MRPL35: variants seen among roughly 807,000 people sequenced by gnomAD.
MRPL35 encodes the protein mitochondrial ribosomal protein L35, also known as large ribosomal subunit protein bL35m.
Under a neutral mutation model 21.6 loss-of-function variants are expected in MRPL35, and 18 were observed. The observed-to-expected ratio is 0.83, with a 90% CI of 0.58 to 1.24. The LOEUF (loss-of-function observed/expected upper bound fraction) is 1.24, where lower values mean the gene tolerates loss of function less well. Among genes scored for constraint, MRPL35 ranks in the 50% most tolerant of loss-of-function variants. MRPL35 has a pLI of 0.00. For missense variants in MRPL35, 223 were observed against 223.2 expected (o/e 1.00, Z 0.01); for synonymous variants, 87 against 86.9 (o/e 1.00, Z -0.01).
rs1474527035 is a variant in MRPL35, at chr2:86,206,151, A to G, written c.89A>G (p.Asn30Ser). The G allele has an allele frequency of 3.1e-6, 5 of 1,613,858 alleles. No individual in the cohort carries two copies. The highest frequency in any genetic ancestry group is 1.3e-5 in the African/African-American group (1 of 74,900). Residue 30 changes from asparagine to serine, a missense_variant, in exon 2 of 4, where the codon AAC (asparagine) becomes AGC (serine). By Grantham distance (46) the Asn-to-Ser change is conservative. Coordinates refer to ENST00000337109, the MANE Select transcript of MRPL35 (RefSeq NM_016622.4). The part of the protein sequence containing the change: ...LNILASSTYR[N>S]CVKNASLISA... Reference sequence around the variant, plus strand: ...ATTTTGGCATCTTCAACCTACCGCAACTGTGTCAAGAATGCCTCTCTTATT... The same window carrying G: ...ATTTTGGCATCTTCAACCTACCGCAGCTGTGTCAAGAATGCCTCTCTTATT...
In MRPL35 at chr2:86,199,550, A is replaced by AG; in HGVS notation, c.43+17_43+18insG. ...CAGCTTCAGGTCAGTGGAGAGCGAC[A>AG]TACTCCATGCATGCCTTCACAGAAG... On this transcript the variant is annotated intron_variant, in intron 1 of 3. Coordinates refer to ENST00000337109, the MANE Select transcript of MRPL35 (RefSeq NM_016622.4). 1 of 1,614,100 alleles carries AG rather than the reference A, an allele frequency of 6.2e-7. No homozygotes were observed. The highest frequency in any genetic ancestry group is 8.5e-7 in the Non-Finnish European group (1 of 1,180,010).
At chr2:86,199,770 C>T (rs968717223) in intron 1 of MRPL35, among the ~76,000 whole-genome samples, 16 of 152,110 alleles carry the variant, frequency 1.1e-4, no homozygotes, top group African/African-American at 3.9e-4. Flanking sequence ...GCTTTTTTTC[C>T]CTAGAAAAGA....
Position 86,212,491 on chromosome 2 carries a change from T to C in MRPL35, c.*1823T>C, listed in dbSNP as rs931042842. 5.0e-5 allele frequency: 81 copies of C among 1,612,828 alleles called. No individual in the cohort carries two copies. The Middle Eastern group carries it at 1.2e-3, about 23-fold the overall frequency. On this transcript the variant is annotated 3_prime_UTR_variant, in exon 4 of 4. Transcript: ENST00000337109. The stretch of plus-strand genomic sequence containing the variant: ...CACCTGCCTGGCTCCTGCTCTCTGA[T>C]GTACCTCTGGGTAGTGAGATGGAAA...
intron 2 of MRPL35, 68 bp downstream of exon 2, chr2:86,206,363 C>CAAAAAA: frequency 1.4e-6 from 2 of 1,441,928 alleles, no homozygotes; most frequent in Non-Finnish European, 1.9e-6. Context: ...GACGGAGTCT[C>CAAAAAA]ACTCTGTTGC....
chr2:86,205,586 C>T (rs181492138), intron 1 of MRPL35, among the ~76,000 whole-genome samples: 9 of 152,338 alleles, frequency 5.9e-5, no homozygotes, highest in African/African-American at 1.9e-4. Context: ...GTCCCCATGC[C>T]TTTGCTTATG....
intron 3 of MRPL35, 47 bp from the exon 4 acceptor site, chr2:86,210,433 T>C: frequency 6.7e-7 from 1 of 1,486,720 alleles, no homozygotes; most frequent in Non-Finnish European, 9.1e-7. Flanking sequence ...ATACCTGTTG[T>C]TTCATACATA....
At chr2:86,208,956 T>G (rs1673853231) in intron 3 of MRPL35, among the ~76,000 whole-genome samples, 1 of 152,232 alleles carries the variant, frequency 6.6e-6, no homozygotes, top group African/African-American at 2.4e-5. Context: ...CTCCTTCCAT[T>G]TTTGAATCTA....
In MRPL35 at chr2:86,212,477, C is replaced by T; in HGVS notation, c.*1809C>T. 1.9e-6 allele frequency: 3 copies of T among 1,613,364 alleles called. No individual in the cohort carries two copies. The highest frequency in any genetic ancestry group is 1.1e-5 in the South Asian group (1 of 90,914). On this transcript the variant is annotated 3_prime_UTR_variant, in exon 4 of 4. Coordinates refer to ENST00000337109, the MANE Select transcript of MRPL35 (RefSeq NM_016622.4). ...TTCCACATCTTTGTCACCTGCCTGGCTCCTGCTCTCTGATGTACCTCTGGG... is the reference window on the plus strand; with the variant it reads ...TTCCACATCTTTGTCACCTGCCTGGTTCCTGCTCTCTGATGTACCTCTGGG...
In MRPL35 at chr2:86,211,765, T is replaced by C; in HGVS notation, c.*1097T>C. ...TCATTGAAGCCTCGCACTCCTGGGCTCAAGTGGTCCTCCTGCCTCAGCTTA... is the reference window on the plus strand; with the variant it reads ...TCATTGAAGCCTCGCACTCCTGGGCCCAAGTGGTCCTCCTGCCTCAGCTTA... On this transcript the variant is annotated 3_prime_UTR_variant, in exon 4 of 4. Transcript: ENST00000337109. 1 of 984,054 alleles carries C rather than the reference T, an allele frequency of 1.0e-6. No individual in the cohort carries two copies. Among genetic ancestry groups the C allele is most frequent in the Non-Finnish European group, 1.2e-6 (1 of 828,664 alleles). The allele number at this position is 984,054 out of a possible 1,614,324, so 61.0% of individuals were successfully genotyped here. A position where few individuals can be genotyped will look rare whatever the true frequency, so the allele number is the denominator to read the frequency against.
At position 86,212,473 on chromosome 2, in the gene MRPL35, C is replaced by T. The variant is rs1257972620; in HGVS notation, c.*1805C>T. 6.2e-7 allele frequency: 1 copy of T among 1,613,386 alleles called. No individual in the cohort carries two copies. Among genetic ancestry groups the T allele is most frequent in the Non-Finnish European group, 8.5e-7 (1 of 1,179,752 alleles). ...AGCCTTCCACATCTTTGTCACCTGC[C>T]TGGCTCCTGCTCTCTGATGTACCTC... On this transcript the variant is annotated 3_prime_UTR_variant, in exon 4 of 4. Transcript: ENST00000337109.
At chr2:86,210,352 A>C in intron 3 of MRPL35, 128 bp from the exon 4 acceptor site, 2 of 414,148 alleles carry the variant, frequency 4.8e-6, no homozygotes, top group Non-Finnish European at 7.1e-6. Context: ...ACATCTTTCC[A>C]AGAAATAGTC....
In MRPL35 at chr2:86,210,554, T is replaced by C. The variant is rs201196321; in HGVS notation, c.453T>C (p.Asn151=). 43 of 1,613,894 alleles carry C rather than the reference T, an allele frequency of 2.7e-5. No homozygotes were observed. The South Asian group carries it at 4.6e-4, about 17-fold the overall frequency. Reference sequence around the variant, plus strand: ...GATTGAGGGAATTTGTATTCTGCAATAAAACCCAGAGTAAACTCTTAGATA... The same window carrying C: ...GATTGAGGGAATTTGTATTCTGCAACAAAACCCAGAGTAAACTCTTAGATA... ...KKRLREFVFC[N]KTQSKLLDKM... Residue 151 remains asparagine (N), a synonymous_variant, in exon 4 of 4, where the codon AAT becomes AAC. Coordinates refer to ENST00000337109, the MANE Select transcript of MRPL35 (RefSeq NM_016622.4).
chr2:86,208,429 T>C (rs1426088641), intron 3 of MRPL35, among the ~76,000 whole-genome samples: 2 of 152,002 alleles, frequency 1.3e-5, no homozygotes, highest in African/African-American at 4.8e-5. Context: ...GCCTCAGCCT[T>C]CCGAGTAGCT....
chr2:86,200,378 C>T (rs534599743), intron 1 of MRPL35, among the ~76,000 whole-genome samples: 8 of 152,252 alleles, frequency 5.3e-5, no homozygotes, highest in South Asian at 2.1e-4. Context: ...AAGCAAACAC[C>T]TGTTTAACAC....
chr2:86,200,331 A>G (rs549074128), intron 1 of MRPL35, among the ~76,000 whole-genome samples: 1 of 152,278 alleles, frequency 6.6e-6, no homozygotes, highest in African/African-American at 2.4e-5. Flanking sequence ...TATGAAGAAA[A>G]TTTTATATAG....
chr2:86,210,396 T>C, intron 3 of MRPL35, 84 bp from the exon 4 acceptor site: 2 of 1,138,278 alleles, frequency 1.8e-6, no homozygotes, highest in Non-Finnish European at 2.4e-6. Context: ...TTGTTCTTAT[T>C]GGGTCTATAA....
chr2:86,209,943 G>A (rs1279704371), intron 3 of MRPL35, among the ~76,000 whole-genome samples: 1 of 152,174 alleles, frequency 6.6e-6, no homozygotes, highest in African/African-American at 2.4e-5. Context: ...AGGAGGTAGA[G>A]GCTGCAGTGA....
chr2:86,206,364 A>T, intron 2 of MRPL35, 69 bp downstream of exon 2: 3 of 1,439,318 alleles, frequency 2.1e-6, no homozygotes, highest in Non-Finnish European at 2.8e-6. Context: ...ACGGAGTCTC[A>T]CTCTGTTGCC....
Position 86,213,748 on chromosome 2 carries a change from G to A in MRPL35, c.*3080G>A. 2 of 1,433,844 alleles carry A rather than the reference G, an allele frequency of 1.4e-6. No homozygotes were observed. The highest frequency in any genetic ancestry group is 9.5e-7 in the Non-Finnish European group (1 of 1,049,452). 88.8% of individuals were successfully genotyped at this position (1,433,844 alleles called of 1,614,324 possible). A position where few individuals can be genotyped will look rare whatever the true frequency, so the allele number is the denominator to read the frequency against. On this transcript the variant is annotated 3_prime_UTR_variant, in exon 4 of 4. Coordinates refer to ENST00000337109, the MANE Select transcript of MRPL35 (RefSeq NM_016622.4). ...CTATTTTCACAGCTACCTAGTTTCTGCCGATGATTTTTTTAAATGTGAAAT... is the reference window on the plus strand; with the variant it reads ...CTATTTTCACAGCTACCTAGTTTCTACCGATGATTTTTTTAAATGTGAAAT...
Sources: allele counts gnomAD v4.1 joint callset (sites outside exome capture counted in the v4.1 genomes callset), GRCh38; gene constraint gnomAD v4.1.1; transcripts MANE v1.5; gene names NCBI Gene and HGNC (gene_info 2026-07-23, HGNC 2026-07-21).